HEATR4: variants seen among roughly 807,000 people sequenced by gnomAD.
The protein encoded by HEATR4 is HEAT repeat-containing protein 4.
A neutral mutation model predicts 108.8 loss-of-function variants in HEATR4; 95 were observed. That is an observed-to-expected ratio of 0.87 (90% CI 0.74 to 1.04). HEATR4 has a LOEUF of 1.04. Among genes scored for constraint, HEATR4 ranks in the 50% least tolerant of loss-of-function variants. The pLI, the probability that HEATR4 is intolerant of heterozygous loss-of-function variation, is 0.00. For missense variants in HEATR4, 1,152 were observed against 1,253.8 expected (o/e 0.92, Z 1.23); for synonymous variants, 443 against 459.4 (o/e 0.96, Z 0.46).
rs764954765 is a variant in HEATR4 at position 73,508,263 on chromosome 14, C to G, written c.1752G>C (p.Gln584His). Residue 584 changes from glutamine to histidine, a missense_variant, in exon 9 of 18, where the codon CAG (glutamine) becomes CAC (histidine). Physicochemically the swap from Gln to His is conservative, Grantham distance 24. Coordinates refer to ENST00000553558, the MANE Select transcript of HEATR4 (RefSeq NM_001220484.1). ...GNSVDSWAAA[Q>H]CLALEGTATY... ...TAGCAGTACCTTCCAGAGCCAAGCA[C>G]TGAGCTGCAGCCCAGCTATCCACAC... 6.2e-7 allele frequency: 1 copy of G among 1,614,036 alleles called. No homozygotes were observed. Among genetic ancestry groups the G allele is most frequent in the Non-Finnish European group, 8.5e-7 (1 of 1,179,990 alleles).
chr14:73,495,013 T>A (rs953747361), intron 16 of HEATR4, among the ~76,000 whole-genome samples: 1 of 151,968 alleles, frequency 6.6e-6, no homozygotes, highest in Non-Finnish European at 1.5e-5. Flanking sequence ...GAGATAACTT[T>A]TTTTTAAGGG....
intron 7 of HEATR4, 82 bp from the exon 8 acceptor site, chr14:73,509,555 G>A: frequency 6.9e-7 from 1 of 1,441,626 alleles, no homozygotes; most frequent in Non-Finnish European, 9.7e-7. Flanking sequence ...GCCATGTGGT[G>A]GCCAACCTCA....
chr14:73,531,011 T>A (rs562406964), intron 1 of HEATR4: 2 of 98,126 alleles, frequency 2.0e-5, no homozygotes, highest in Admixed American at 2.5e-4. Context: ...ACCATACTGC[T>A]TGGTATCTAA....
At chr14:73,603,079 ATT>A in the HEATR4 span, among the ~76,000 whole-genome samples, 50,863 of 152,044 alleles carry the variant, frequency 0.33, 9,890 homozygotes, top group East Asian at 0.64. Flanking sequence ...ACTCTTAGCA[ATT>A]TTTAATTTTA....
At chr14:73,578,121 G>C in the HEATR4 span, among the ~76,000 whole-genome samples, 1 of 151,796 alleles carries the variant, frequency 6.6e-6, no homozygotes, top group Non-Finnish European at 1.5e-5. Context: ...AAAGTGCCAG[G>C]ATTATAGGCG....
the HEATR4 span, among the ~76,000 whole-genome samples, chr14:73,632,993 CT>C: frequency 7.8e-6 from 1 of 128,690 alleles, no homozygotes; most frequent in Non-Finnish European, 1.6e-5. Flanking sequence ...TCAGCTTTCT[CT>C]CTCTCTCTCT....
In HEATR4 at chr14:73,492,926, C is replaced by T; in HGVS notation, c.2844+140G>A. 6.2e-7 allele frequency: 1 copy of T among 1,613,016 alleles called. No homozygotes were observed. The highest frequency in any genetic ancestry group is 8.5e-7 in the Non-Finnish European group (1 of 1,179,428). The stretch of plus-strand genomic sequence containing the variant: ...TAAGGGGCTGCTGCTCACTAAGATG[C>T]CTCTAGCCCTAAATTAGTTTCTTGT... On this transcript the variant is annotated intron_variant, in intron 17 of 17. Transcript: ENST00000553558. This position sits in a 1 kb window ranked among gnomAD's most constrained non-coding sequence, Gnocchi z 4.9.
At chr14:73,573,526 C>T in the HEATR4 span, 1 of 1,613,656 alleles carries the variant, frequency 6.2e-7, no homozygotes, top group Non-Finnish European at 8.5e-7. Flanking sequence ...CTCCCCAAGA[C>T]CATGGAGACG....
chr14:73,594,940 A>G, the HEATR4 span: 1 of 1,354,154 alleles, frequency 7.4e-7, no homozygotes. Context: ...CCTGACCTCA[A>G]GTGATCCGCC....
At chr14:73,511,452 G>C (rs1244116943) in intron 7 of HEATR4, among the ~76,000 whole-genome samples, 2 of 151,894 alleles carry the variant, frequency 1.3e-5, no homozygotes, top group African/African-American at 4.8e-5. Context: ...CTGGGAGGTG[G>C]AGGTTGCAGT....
upstream of HEATR4, among the ~76,000 whole-genome samples, chr14:73,563,606 G>A (rs201795723): frequency 6.6e-6 from 1 of 151,740 alleles, no homozygotes; most frequent in South Asian, 2.1e-4. Flanking sequence ...TCTGGAAATG[G>A]ATAATGGTGA....
the HEATR4 span, among the ~76,000 whole-genome samples, chr14:73,597,591 C>CTTTTTTTTT: frequency 3.1e-5 from 3 of 98,202 alleles, no homozygotes; most frequent in Admixed American, 1.3e-4. Context: ...TTTTTCTTTT[C>CTTTTTTTTT]TTTTTTTTTT....
At chr14:73,598,111 T>C in the HEATR4 span, among the ~76,000 whole-genome samples, 2 of 148,796 alleles carry the variant, frequency 1.3e-5, no homozygotes, top group Non-Finnish European at 3.0e-5. Context: ...CAGTGGCTCA[T>C]GCCTGTAATC....
intron 10 of HEATR4, among the ~76,000 whole-genome samples, chr14:73,503,417 C>T (rs551230281): frequency 6.6e-6 from 1 of 152,288 alleles, no homozygotes; most frequent in South Asian, 2.1e-4. Context: ...TCCTGAAAGT[C>T]CCATGGCCTG....
the HEATR4 span, chr14:73,573,347 G>A: frequency 3.1e-6 from 5 of 1,612,560 alleles, no homozygotes; most frequent in Non-Finnish European, 4.2e-6. Flanking sequence ...AACTGTTTCA[G>A]GAATAGCTTA....
rs1176269675 is a variant in HEATR4 at position 73,528,379 on chromosome 14, C to T, written c.-73+1787G>A. On this transcript the variant is annotated intron_variant, in intron 2 of 17. Coordinates refer to ENST00000553558, the MANE Select transcript of HEATR4 (RefSeq NM_001220484.1). ...TGGACTCCAGCCTGGACGACAAGAG[C>T]GAAACTTCATCTCAAAAAAAAAAAA... 8.9e-5 allele frequency among the ~76,000 whole-genome samples: 8 copies of T among 89,636 alleles called. No homozygotes were observed. The South Asian group carries it at 1.2e-3, about 14-fold the overall frequency. The allele number at this position is 89,636 out of a possible 152,430, so 58.8% of individuals were successfully genotyped here.
chr14:73,551,672 G>A lies in HEATR4; in HGVS notation c.-152+7079C>T, dbSNP rs1385189715. On this transcript the variant is annotated intron_variant, in intron 1 of 17. Transcript: ENST00000553558. The stretch of plus-strand genomic sequence containing the variant: ...AAAATACACAAATTAGCCGGGTGTG[G>A]TGGTGCGCACCTGTAGTCCCAGCTA... Among the ~76,000 whole-genome samples, 6 of 111,968 alleles carry A rather than the reference G, an allele frequency of 5.4e-5. 2 individuals carry two copies. The highest frequency in any genetic ancestry group is 2.1e-4 in the Admixed American group (2 of 9,726). 73.5% of individuals were successfully genotyped at this position (111,968 alleles called of 152,430 possible).
At chr14:73,630,488 CA>C in the HEATR4 span, among the ~76,000 whole-genome samples, 1 of 152,184 alleles carries the variant, frequency 6.6e-6, no homozygotes, top group Non-Finnish European at 1.5e-5. Context: ...TACCCCATGC[CA>C]CCATAGTGGT....
the HEATR4 span, among the ~76,000 whole-genome samples, chr14:73,583,963 T>C: frequency 1.4e-4 from 21 of 151,872 alleles, no homozygotes; most frequent in Admixed American, 1.3e-3. Flanking sequence ...ACCACGCCAT[T>C]GCACTCCAGC....
Sources: allele counts gnomAD v4.1 joint callset (sites outside exome capture counted in the v4.1 genomes callset), GRCh38; gene constraint gnomAD v4.1.1; non-coding constraint Gnocchi (gnomAD v3.1); transcripts MANE v1.5; gene names NCBI Gene and HGNC (gene_info 2026-07-23, HGNC 2026-07-21).